Variants in EXD3 observed in about 807,000 individuals in gnomAD.
EXD3 encodes the protein exonuclease 3'-5' domain containing 3, also known as exonuclease mut-7 homolog.
In EXD3, 92 loss-of-function variants were observed where a neutral mutation model predicts 98.0. That is an observed-to-expected ratio of 0.94 (90% confidence interval 0.79 to 1.12). The LOEUF is 1.12. Among genes scored for constraint, EXD3 ranks in the 50% most tolerant of loss-of-function variants. The pLI is 0.00. For synonymous variants in EXD3, 569 were observed against 526.0 expected (o/e 1.08, Z -1.12); for missense variants, 1,222 against 1,191.6 (o/e 1.03, Z -0.38).
At chr9:137,320,430 G>A (rs549602973) in intron 19 of EXD3, among the ~76,000 whole-genome samples, 3 of 152,326 alleles carry the variant, frequency 2.0e-5, no homozygotes, top group South Asian at 2.1e-4. Flanking sequence ...CCCCACGGGG[G>A]TGCAGCTCTG....
chr9:137,341,631 G>A (rs1213017335), intron 17 of EXD3, among the ~76,000 whole-genome samples: 5 of 70,994 alleles, frequency 7.0e-5, no homozygotes, highest in Non-Finnish European at 1.5e-4. Flanking sequence ...AGGAAACGGG[G>A]CTCAGGCACC....
Position 137,371,608 on chromosome 9 carries a change from G to C in EXD3, c.462+1297C>G, listed in dbSNP as rs1234791994. Among the ~76,000 whole-genome samples the C allele has an allele frequency of 6.6e-6, 1 of 151,942 alleles. No homozygotes were observed. Among genetic ancestry groups the C allele is most frequent in the Non-Finnish European group, 1.5e-5 (1 of 67,916 alleles). ...AAGTAAGGGGGCCCTAATGGGGCGGGGAGTGGACCAGTGCCCCTGAGTGCC... is the reference window on the plus strand; with the variant it reads ...AAGTAAGGGGGCCCTAATGGGGCGGCGAGTGGACCAGTGCCCCTGAGTGCC... On this transcript the variant is annotated intron_variant, in intron 5 of 21. Transcript: ENST00000340951. The surrounding 1 kb of genome is among the most constrained non-coding windows in gnomAD (Gnocchi z 8.0).
At chr9:137,330,410 C>G (rs1489359694) in intron 17 of EXD3, among the ~76,000 whole-genome samples, 2 of 133,558 alleles carry the variant, frequency 1.5e-5, no homozygotes, top group Non-Finnish European at 3.1e-5. Flanking sequence ...CAGGGCTCCA[C>G]AGGACTACAC....
intron 8 of EXD3, among the ~76,000 whole-genome samples, chr9:137,355,061 G>C (rs1345429702): frequency 6.6e-6 from 1 of 152,174 alleles, no homozygotes; most frequent in East Asian, 1.9e-4. Flanking sequence ...TTTCCTTCTT[G>C]GCGTTGGCAT....
rs559166243 is a variant in EXD3, at chr9:137,354,027, C to G, written c.870+312G>C. ...CCTCGCCCAGGCGCCTTGCACCTCT[C>G]TGGTGACTCTCAGCCCCCACCCGGC... On this transcript the variant is annotated intron_variant, in intron 10 of 21. Transcript: ENST00000340951. The G allele has an allele frequency of 4.2e-6, 5 of 1,179,636 alleles. No individual in the cohort carries two copies. In the South Asian group the frequency reaches 1.6e-4, roughly 38 times the overall value. 73.1% of individuals were successfully genotyped at this position (1,179,636 alleles called of 1,614,324 possible).
chr9:137,401,802 A>G (rs1462292815), intron 1 of EXD3, among the ~76,000 whole-genome samples: 1 of 152,188 alleles, frequency 6.6e-6, no homozygotes, highest in Non-Finnish European at 1.5e-5. Flanking sequence ...CCGGGCCTCC[A>G]GGCCTATGAT....
At chr9:137,326,024 G>A (rs1020728072) in intron 17 of EXD3, among the ~76,000 whole-genome samples, 53 of 151,800 alleles carry the variant, frequency 3.5e-4, no homozygotes, top group African/African-American at 1.3e-3. Flanking sequence ...GGCTGCAGTG[G>A]GCCGTGTTTG....
intron 1 of EXD3, among the ~76,000 whole-genome samples, chr9:137,404,377 TG>T (rs1481127161): frequency 6.6e-6 from 1 of 152,164 alleles, no homozygotes; most frequent in Non-Finnish European, 1.5e-5. Flanking sequence ...GAAAGAGGCG[TG>T]CCCATCTCCC....
intron 1 of EXD3, among the ~76,000 whole-genome samples, chr9:137,398,279 T>G (rs1837306555): frequency 6.6e-6 from 1 of 151,000 alleles, no homozygotes; most frequent in Non-Finnish European, 1.5e-5. Context: ...GGCTCTGGGG[T>G]TCACACGCTT....
At chr9:137,373,398 G>A in intron 4 of EXD3, 28 bp downstream of exon 4, 1 of 1,599,180 alleles carries the variant, frequency 6.3e-7, no homozygotes, top group Non-Finnish European at 8.5e-7. Context: ...AGGAAGGGAG[G>A]TGACTGTCAC....
At chr9:137,357,680 A>G (rs2119266369) in intron 7 of EXD3, among the ~76,000 whole-genome samples, 1 of 151,214 alleles carries the variant, frequency 6.6e-6, no homozygotes, top group African/African-American at 2.4e-5. Context: ...AGGGTTCTCT[A>G]GAGGGACAGA....
At chr9:137,408,546 C>CAAAAA (rs570243090) in intron 1 of EXD3, among the ~76,000 whole-genome samples, 705 of 44,440 alleles carry the variant, frequency 0.016, 65 homozygotes, top group African/African-American at 0.047. Flanking sequence ...GACTCTGCCT[C>CAAAAA]AAAAAAAAAA....
At position 137,383,336 on chromosome 9, in the gene EXD3, ACAGGGTCTG is replaced by A. The variant is rs1217876321; in HGVS notation, c.88_96del (p.Gln30_Leu32del). The A allele has an allele frequency of 5.8e-6, 9 of 1,550,408 alleles. No homozygotes were observed. The highest frequency in any genetic ancestry group is 7.8e-6 in the Non-Finnish European group (9 of 1,146,922). The stretch of plus-strand genomic sequence containing the variant: ...ACCTGCTTCCGCTCCCGCGTGGACC[ACAGGGTCTG>A]CAGGGCCTGCAGGAGCAGGAGGGGG... On this transcript the variant is annotated inframe_deletion, in exon 3 of 22. Transcript: ENST00000340951.
rs1419467471 is a variant in EXD3, at chr9:137,385,406, CA to C, written c.56-2030del. Among the ~76,000 whole-genome samples, 10 of 147,514 alleles carry C rather than the reference CA, an allele frequency of 6.8e-5. No individual in the cohort carries two copies. The highest frequency in any genetic ancestry group is 2.7e-4 in the Admixed American group (4 of 14,824). On this transcript the variant is annotated intron_variant, in intron 2 of 21. Transcript: ENST00000340951. This position sits in a 1 kb window ranked among gnomAD's most constrained non-coding sequence, Gnocchi z 4.4. ...TGCTGGGCATGGCTGGCGATGGGGC[CA>C]GGGTGGGCTGGGCGGGGCGTGCTGT... is the stretch of plus-strand genomic sequence containing the variant.
chr9:137,417,910 G>A (rs1249014069), intron 1 of EXD3, among the ~76,000 whole-genome samples: 2 of 152,174 alleles, frequency 1.3e-5, no homozygotes, highest in Non-Finnish European at 2.9e-5. Context: ...GGGCTGGCGG[G>A]GCCGGAGGGG....
chr9:137,349,095 C>T lies in EXD3; in HGVS notation c.1830+15G>A, dbSNP rs4078071. On this transcript the variant is annotated intron_variant, in intron 16 of 21. Coordinates refer to ENST00000340951, the MANE Select transcript of EXD3 (RefSeq NM_017820.5). The surrounding 1 kb of genome is among the most constrained non-coding windows in gnomAD (Gnocchi z 7.4). ...CAAGAATGCTGACAAACGGACCCTGCGGGGCTTCACCCACCTGCCTGGGTG... is the reference window on the plus strand; with the variant it reads ...CAAGAATGCTGACAAACGGACCCTGTGGGGCTTCACCCACCTGCCTGGGTG... The T allele has an allele frequency of 0.068, 108,061 of 1,583,280 alleles. 5,490 individuals carry two copies. Among genetic ancestry groups the T allele is most frequent in the African/African-American group, 0.26 (19,416 of 74,528 alleles).
intron 19 of EXD3, among the ~76,000 whole-genome samples, chr9:137,323,280 A>G (rs367837154): frequency 0.028 from 38 of 1,358 alleles, 7 homozygotes; most frequent in African/African-American, 0.055. Context: ...CCCACGAGGG[A>G]TGATCTGCCG....
intron 19 of EXD3, among the ~76,000 whole-genome samples, chr9:137,321,363 C>T (rs1588239596): frequency 6.6e-6 from 1 of 152,204 alleles, no homozygotes; most frequent in African/African-American, 2.4e-5. Flanking sequence ...GATCTCCCTC[C>T]ATGAGGGGGT....
chr9:137,339,496 C>CAAAAAAAAAAAAAAAAAAAAACAAAAAA (rs1833541015), intron 17 of EXD3, among the ~76,000 whole-genome samples: 1 of 92,698 alleles, frequency 1.1e-5, no homozygotes. Context: ...GACGCCACTT[C>CAAAAAAAAAAAAAAAAAAAAACAAAAAA]AAAAAAAAAA....
Sources: allele counts gnomAD v4.1 joint callset (sites outside exome capture counted in the v4.1 genomes callset), GRCh38; gene constraint gnomAD v4.1.1; non-coding constraint Gnocchi (gnomAD v3.1); transcripts MANE v1.5; gene names NCBI Gene and HGNC (gene_info 2026-07-23, HGNC 2026-07-21).